KMT2E: variants seen among roughly 807,000 people sequenced by gnomAD.
The protein encoded by KMT2E is histone reader KMT2E.
Under a neutral mutation model 184.6 loss-of-function variants are expected in KMT2E, and 30 were observed. That is an observed-to-expected ratio of 0.16 (90% CI 0.12 to 0.22). The LOEUF (loss-of-function observed/expected upper bound fraction) is 0.22. Ranked by LOEUF, KMT2E falls within the 10% of genes least tolerant of loss-of-function variation. The pLI, the probability that KMT2E is intolerant of heterozygous loss-of-function variation, is 1.00. For synonymous variants in KMT2E, 815 were observed against 776.5 expected (o/e 1.05, Z -0.82); for missense variants, 2,023 against 2,237.4 (o/e 0.90, Z 1.93).
rs117319381 is a variant in KMT2E, at chr7:105,092,129, G to T, written c.1722+815G>T. The stretch of plus-strand genomic sequence containing the variant: ...TATTTAAGGGTGGGATGTTTGAAAG[G>T]TTGGTCATTGTTGGCTGGGAGCGGT... On this transcript the variant is annotated intron_variant, in intron 15 of 26. Coordinates refer to ENST00000311117, the MANE Select transcript of KMT2E (RefSeq NM_182931.3). Among the ~76,000 whole-genome samples, 560 of 152,270 alleles carry T rather than the reference G, an allele frequency of 3.7e-3. 15 individuals are homozygous for T. The East Asian group carries it at 0.062, about 17-fold the overall frequency.
At chr7:105,067,262 A>G (rs1797070519) in intron 6 of KMT2E, among the ~76,000 whole-genome samples, 2 of 152,028 alleles carry the variant, frequency 1.3e-5, no homozygotes. Flanking sequence ...AATGATGCAT[A>G]AAATAATAGT....
chr7:105,071,534 T>TTGTGTGTG (rs1562906233), intron 6 of KMT2E, among the ~76,000 whole-genome samples: 1 of 142,860 alleles, frequency 7.0e-6, no homozygotes, highest in South Asian at 2.2e-4. Context: ...CCCTGCTAAT[T>TTGTGTGTG]TGTGTGTGTA....
chr7:105,101,719 G>A, intron 16 of KMT2E, 130 bp downstream of exon 16: 1 of 952,150 alleles, frequency 1.1e-6, no homozygotes, highest in Non-Finnish European at 1.5e-6. Context: ...CAGATCCTAT[G>A]GGAGTTTCAG....
intron 13 of KMT2E, among the ~76,000 whole-genome samples, chr7:105,088,145 T>A (rs751743591): frequency 1.3e-5 from 2 of 152,190 alleles, no homozygotes; most frequent in African/African-American, 2.4e-5. Context: ...ATGTAATCTG[T>A]CTGGTTTCAA....
At chr7:105,064,484 A>G (rs1796955164) in intron 5 of KMT2E, among the ~76,000 whole-genome samples, 1 of 152,050 alleles carries the variant, frequency 6.6e-6, no homozygotes, top group South Asian at 2.1e-4. Flanking sequence ...ATCCCCATCT[A>G]TTAGATTAGG....
chr7:105,033,608 T>C (rs1436557935), intron 1 of KMT2E, among the ~76,000 whole-genome samples: 1 of 152,122 alleles, frequency 6.6e-6, no homozygotes, highest in Non-Finnish European at 1.5e-5. Context: ...ATGCCATTCT[T>C]CGGCCTCAGC....
Position 105,113,544 on chromosome 7 carries a change from G to C in KMT2E, c.*211G>C. On this transcript the variant is annotated 3_prime_UTR_variant, in exon 27 of 27. Transcript: ENST00000311117. ...TATTAGGTATCTTTATTTTGTAAGT[G>C]AACATTCCAGCTGTTTTTTTCTGGC... 2 of 461,832 alleles carry C rather than the reference G, an allele frequency of 4.3e-6. No individual in the cohort carries two copies. Among genetic ancestry groups the C allele is most frequent in the South Asian group, 7.7e-5 (2 of 25,980 alleles). 28.6% of individuals were successfully genotyped at this position (461,832 alleles called of 1,614,324 possible). A position where few individuals can be genotyped will look rare whatever the true frequency, so the allele number is the denominator to read the frequency against.
At chr7:105,051,654 T>A (rs1308076832) in intron 3 of KMT2E, among the ~76,000 whole-genome samples, 1 of 152,104 alleles carries the variant, frequency 6.6e-6, no homozygotes, top group Admixed American at 6.6e-5. Context: ...AGTCTTGCTC[T>A]GTCACCCAGG....
Position 105,063,480 on chromosome 7 carries a change from A to G in KMT2E, c.316A>G (p.Ile106Val), listed in dbSNP as rs969860024. The G allele has an allele frequency of 1.9e-6, 3 of 1,613,866 alleles. No homozygotes were observed. The highest frequency in any genetic ancestry group is 2.5e-6 in the Non-Finnish European group (3 of 1,179,816). ...NFDETSSATT[I>V]STSEDGSYGT... ...TGATGAAACTTCCAGTGCTACTACA[A>G]TCAGCACATCTGAGGATGGAAGTTA... Residue 106 changes from isoleucine (I) to valine (V), a missense_variant, in exon 5 of 27, where the codon ATC becomes GTC. Ile to Val is a conservative substitution (Grantham distance 29). Coordinates refer to ENST00000311117, the MANE Select transcript of KMT2E (RefSeq NM_182931.3).
chr7:105,068,654 T>C (rs1019028643), intron 6 of KMT2E, among the ~76,000 whole-genome samples: 180 of 149,344 alleles, frequency 1.2e-3, no homozygotes, highest in Non-Finnish European at 1.8e-3. Context: ...TTTTTTTTTT[T>C]TGTAGGCACA....
chr7:105,094,776 T>C (rs771367932), intron 15 of KMT2E, among the ~76,000 whole-genome samples: 5 of 152,192 alleles, frequency 3.3e-5, no homozygotes, highest in Admixed American at 1.3e-4. Context: ...GAGAGAGATA[T>C]CACATTCACA....
intron 25 of KMT2E, 61 bp downstream of exon 25, chr7:105,110,663 C>G (rs1447452510): frequency 1.2e-5 from 19 of 1,606,006 alleles, no homozygotes; most frequent in Non-Finnish European, 1.5e-5. Flanking sequence ...GACAAGAGAG[C>G]CTTTATAAAA....
chr7:105,101,335 T>C, intron 15 of KMT2E, 90 bp from the exon 16 acceptor site: 1 of 896,096 alleles, frequency 1.1e-6, no homozygotes, highest in Non-Finnish European at 1.6e-6. Context: ...ATCATAGCAA[T>C]TATTTTTTAC....
intron 1 of KMT2E, among the ~76,000 whole-genome samples, chr7:105,018,726 G>A (rs1294307085): frequency 1.3e-5 from 2 of 152,096 alleles, no homozygotes; most frequent in Non-Finnish European, 2.9e-5. Flanking sequence ...GTTTAAAATT[G>A]AAGTGGCTCG....
rs1056219152 is a variant in KMT2E at position 105,023,262 on chromosome 7, C to T, written c.-189+8727C>T. Among the ~76,000 whole-genome samples the T allele has an allele frequency of 8.6e-5, 13 of 151,798 alleles. No homozygotes were observed. In the East Asian group the frequency reaches 1.4e-3, roughly 16 times the overall value. ...CTAAAAATACAAAAAATTAGCTGGG[C>T]GTGGTGGCGGGCCCCTGTAATCCCA... On this transcript the variant is annotated intron_variant, in intron 1 of 26. Coordinates refer to ENST00000311117, the MANE Select transcript of KMT2E (RefSeq NM_182931.3).
intron 5 of KMT2E, 60 bp from the exon 6 acceptor site, chr7:105,066,667 A>C: frequency 1.5e-6 from 2 of 1,327,026 alleles, no homozygotes; most frequent in Admixed American, 1.7e-5. Context: ...TGGAATATCA[A>C]ATCTTAATTT....
chr7:105,105,881 A>G lies in KMT2E; in HGVS notation c.2474A>G (p.Glu825Gly). ...CKKRWLKQAL[E>G]EENSAILHRF... ...CAGCGATGGTTGAAACAAGCTCTGG[A>G]AGAAGAAAATTCAGCAATTTTACAT... is the stretch of plus-strand genomic sequence containing the variant. The change falls in exon 19 of 27, where the codon GAA becomes GGA. Residue 825 changes from glutamate (E) to glycine (G), a missense_variant. By Grantham distance (98) the Glu-to-Gly change is moderately conservative. Coordinates refer to ENST00000311117, the MANE Select transcript of KMT2E (RefSeq NM_182931.3). 2 of 1,612,890 alleles carry G rather than the reference A, an allele frequency of 1.2e-6. No homozygotes were observed. The highest frequency in any genetic ancestry group is 1.7e-6 in the Non-Finnish European group (2 of 1,179,694).
At chr7:105,110,112 C>T (rs373228753) in intron 23 of KMT2E, among the ~76,000 whole-genome samples, 168 bp from the exon 24 acceptor site, 28 of 152,160 alleles carry the variant, frequency 1.8e-4, no homozygotes, top group South Asian at 8.3e-4. Context: ...GGATTACAGG[C>T]GTGAGCCACT....
rs1314078952 is a variant in KMT2E at position 105,068,645 on chromosome 7, T to TG, written c.497+1838_497+1839insG. ...TGTGGTTTTTTTTTTTTTTGTTTTT[T>TG]TTTTTTTTTTGTAGGCACAGGGTTT... On this transcript the variant is annotated intron_variant, in intron 6 of 26. Transcript: ENST00000311117. 1.9e-4 allele frequency among the ~76,000 whole-genome samples: 28 copies of TG among 146,840 alleles called. No homozygotes were observed. In the East Asian group the frequency reaches 4.2e-3, roughly 22 times the overall value.
Sources: allele counts gnomAD v4.1 joint callset (sites outside exome capture counted in the v4.1 genomes callset), GRCh38; gene constraint gnomAD v4.1.1; transcripts MANE v1.5; gene names NCBI Gene and HGNC (gene_info 2026-07-23, HGNC 2026-07-21).